HECW2: variants seen among roughly 807,000 people sequenced by gnomAD.
HECW2 encodes the protein E3 ubiquitin-protein ligase HECW2.
Under a neutral mutation model 175.2 loss-of-function variants are expected in HECW2, and 61 were observed. The observed-to-expected ratio is 0.35, with a 90% CI of 0.28 to 0.43. HECW2 has a LOEUF of 0.43. Ranked by LOEUF, HECW2 falls within the 20% of genes least tolerant of loss-of-function variation. The pLI, the probability that HECW2 is intolerant of heterozygous loss-of-function variation, is 1.00. For missense variants in HECW2, 1,524 were observed against 2,000.5 expected (o/e 0.76, Z 4.54); for synonymous variants, 671 against 731.0 (o/e 0.92, Z 1.32).
chr2:196,269,485 C>G (rs796922020), intron 17 of HECW2: 3 of 116,414 alleles, frequency 2.6e-5, no homozygotes, highest in African/African-American at 1.1e-4. Flanking sequence ...GACTCCGTCT[C>G]CCCCTACCTC....
intron 28 of HECW2, 67 bp downstream of exon 28, chr2:196,215,798 A>G: frequency 9.0e-7 from 1 of 1,110,552 alleles, no homozygotes. Flanking sequence ...TAATTAATCA[A>G]TATATACATA....
At chr2:196,235,055 A>G (rs528166629) in intron 21 of HECW2, among the ~76,000 whole-genome samples, 1 of 152,298 alleles carries the variant, frequency 6.6e-6, no homozygotes, top group East Asian at 1.9e-4. Flanking sequence ...TGATGAACTA[A>G]TCAACTAAAG....
At chr2:196,536,031 C>G (rs1433190549) in intron 1 of HECW2, among the ~76,000 whole-genome samples, 1 of 151,970 alleles carries the variant, frequency 6.6e-6, no homozygotes, top group Non-Finnish European at 1.5e-5. Context: ...TTGATAGAGG[C>G]TAAATAATTT....
intron 2 of HECW2, among the ~76,000 whole-genome samples, chr2:196,419,463 GAAGTCCAAA>G (rs1356772796): frequency 1.3e-5 from 2 of 152,172 alleles, no homozygotes; most frequent in East Asian, 3.8e-4. Context: ...AATTTCACAT[GAAGTCCAAA>G]TATCATCTTC....
intron 2 of HECW2, among the ~76,000 whole-genome samples, chr2:196,378,862 C>T (rs1237153555): frequency 6.6e-6 from 1 of 152,166 alleles, no homozygotes; most frequent in Non-Finnish European, 1.5e-5. Flanking sequence ...GCTGCCACAA[C>T]TTGAACCCAC....
At position 196,365,209 on chromosome 2, in the gene HECW2, G is replaced by C. The variant is rs143203273; in HGVS notation, c.293-21445C>G. Among the ~76,000 whole-genome samples, 817 of 152,304 alleles carry C rather than the reference G, an allele frequency of 5.4e-3. 8 individuals are homozygous for C. Among genetic ancestry groups the C allele is most frequent in the Middle Eastern group, 0.02 (6 of 294 alleles). On this transcript the variant is annotated intron_variant, in intron 2 of 28. Coordinates refer to ENST00000644978, the MANE Select transcript of HECW2 (RefSeq NM_001348768.2). The stretch of plus-strand genomic sequence containing the variant: ...AAAGCTCGCAGAATATTTATTGCAA[G>C]TAAAGCAGGGAAGAGCAAAGACACA...
At chr2:196,234,218 T>G (rs1054912562) in intron 21 of HECW2, among the ~76,000 whole-genome samples, 1 of 151,954 alleles carries the variant, frequency 6.6e-6, no homozygotes, top group South Asian at 2.1e-4. Flanking sequence ...ATTTCTTTAA[T>G]GTTTTGGGTA....
Position 196,206,072 on chromosome 2 carries a change from T to A in HECW2, c.4608-4684A>T, listed in dbSNP as rs188275024. Among the ~76,000 whole-genome samples, 645 of 152,282 alleles carry A rather than the reference T, an allele frequency of 4.2e-3. 2 individuals carry two copies. Among genetic ancestry groups the A allele is most frequent in the South Asian group, 0.013 (61 of 4,828 alleles). ...ACCCCCACTCCCACCCCATTCCATG[T>A]CCTAAGAAAACTTTAGCAGAAAATA... On this transcript the variant is annotated intron_variant, in intron 28 of 28. Transcript: ENST00000644978.
chr2:196,547,164 G>T (rs1334558926), intron 1 of HECW2, among the ~76,000 whole-genome samples: 1 of 152,264 alleles, frequency 6.6e-6, no homozygotes, highest in Non-Finnish European at 1.5e-5. Flanking sequence ...TGTAGAAATG[G>T]GTTTTTACTG....
rs140395657 is a variant in HECW2, at chr2:196,424,596, A to G, written c.292+8536T>C. Among the ~76,000 whole-genome samples, 544 of 152,238 alleles carry G rather than the reference A, an allele frequency of 3.6e-3. 3 individuals are homozygous for G. The highest frequency in any genetic ancestry group is 0.014 in the Middle Eastern group (4 of 294). On this transcript the variant is annotated intron_variant, in intron 2 of 28. Coordinates refer to ENST00000644978, the MANE Select transcript of HECW2 (RefSeq NM_001348768.2). ...CCTTATTATTGATATGGAGAAAATT[A>G]TAGGAGTCTGGAGAGAAGATCAAAA...
In HECW2 at chr2:196,292,705, T is replaced by C. The variant is rs1402891322; in HGVS notation, c.2860A>G (p.Ile954Val). Residue 954 changes from isoleucine (I) to valine (V), a missense_variant, in exon 14 of 29, where the codon ATC (isoleucine) becomes GTC (valine). Ile to Val is a conservative substitution (Grantham distance 29). Coordinates refer to ENST00000644978, the MANE Select transcript of HECW2 (RefSeq NM_001348768.2). Reference protein sequence around the residue: ...FTNNTCLKHMITKVRRDTHHF... With the variant: ...FTNNTCLKHMVTKVRRDTHHF... The stretch of plus-strand genomic sequence containing the variant: ...TGGGTGTCCCTCCGGACTTTGGTGA[T>C]CATGTGCTTCAAACACGTGTTGTTT... The C allele has an allele frequency of 6.2e-7, 1 of 1,613,890 alleles. No individual in the cohort carries two copies. The highest frequency in any genetic ancestry group is 1.3e-5 in the African/African-American group (1 of 74,944).
intron 2 of HECW2, among the ~76,000 whole-genome samples, chr2:196,419,172 G>A (rs569882536): frequency 1.3e-5 from 2 of 152,268 alleles, no homozygotes; most frequent in South Asian, 4.1e-4. Context: ...AAATAACACA[G>A]TGTAATCAGC....
At chr2:196,452,598 G>C (rs1696379966) in intron 1 of HECW2, among the ~76,000 whole-genome samples, 2 of 152,116 alleles carry the variant, frequency 1.3e-5, no homozygotes, top group South Asian at 4.1e-4. Flanking sequence ...ATGTGATCCA[G>C]TGCAAAGCCA....
At position 196,568,741 on chromosome 2, in the gene HECW2, A is replaced by G. The variant is rs908544001; in HGVS notation, c.-36+24767T>C. Among the ~76,000 whole-genome samples, 5 of 152,202 alleles carry G rather than the reference A, an allele frequency of 3.3e-5. No homozygotes were observed. In the South Asian group the frequency reaches 8.3e-4, roughly 25 times the overall value. On this transcript the variant is annotated intron_variant, in intron 1 of 28. Transcript: ENST00000644978. ...TAGTCAGCCACACAATCGCAAGGGTAAAAAACCAATACTTACTAACTTCTT... is the reference window on the plus strand; with the variant it reads ...TAGTCAGCCACACAATCGCAAGGGTGAAAAACCAATACTTACTAACTTCTT...
Position 196,490,186 on chromosome 2 carries a change from A to G in HECW2, c.-35-56728T>C, listed in dbSNP as rs553508130. On this transcript the variant is annotated intron_variant, in intron 1 of 28. Transcript: ENST00000644978. ...CTGGGCTTGGCCCTCCTTGGGAAGG[A>G]TTTTATTTAACTACACTTGATAAGC... 5.3e-5 allele frequency among the ~76,000 whole-genome samples: 8 copies of G among 152,290 alleles called. No homozygotes were observed. In the South Asian group the frequency reaches 1.7e-3, roughly 32 times the overall value.
intron 1 of HECW2, among the ~76,000 whole-genome samples, chr2:196,439,080 T>G (rs894086132): frequency 2.6e-5 from 4 of 152,246 alleles, no homozygotes; most frequent in Non-Finnish European, 5.9e-5. Flanking sequence ...TATTTAAACT[T>G]CACCCTGCCT....
chr2:196,231,133 C>T (rs1688041981), intron 21 of HECW2, among the ~76,000 whole-genome samples: 1 of 143,712 alleles, frequency 7.0e-6, no homozygotes, highest in Non-Finnish European at 1.5e-5. Context: ...AACACTAGAC[C>T]ATACTTTTCC....
At chr2:196,417,922 A>C (rs1406793585) in intron 2 of HECW2, among the ~76,000 whole-genome samples, 2 of 152,194 alleles carry the variant, frequency 1.3e-5, no homozygotes, top group African/African-American at 2.4e-5. Context: ...AAGAAAAAAA[A>C]CCCTACTATT....
rs1452978417 is a variant in HECW2, at chr2:196,353,303, T to G, written c.293-9539A>C. Among the ~76,000 whole-genome samples, 3 of 152,230 alleles carry G rather than the reference T, an allele frequency of 2.0e-5. No homozygotes were observed. In the East Asian group the frequency reaches 5.8e-4, roughly 29 times the overall value. On this transcript the variant is annotated intron_variant, in intron 2 of 28. Transcript: ENST00000644978. The stretch of plus-strand genomic sequence containing the variant: ...TGAGACCTACTCTGACTGCTTCATT[T>G]TGAAACGCAAGTCTTCCTCCAGCAT...
Sources: gnomAD v4.1 joint callset for allele counts (sites outside exome capture counted in the v4.1 genomes callset) on GRCh38, gnomAD v4.1.1 for gene constraint, MANE v1.5 for transcripts, NCBI Gene and HGNC (gene_info 2026-07-23, HGNC 2026-07-21) for gene names.